The following ALS2CL variants were observed in gnomAD, a reference collection of about 807,000 sequenced individuals.
ALS2CL encodes the protein ALS2 C-terminal-like protein.
In ALS2CL, 112 loss-of-function variants were observed where a neutral mutation model predicts 127.9. That is an observed-to-expected ratio of 0.88 (90% CI 0.75 to 1.02). The LOEUF is 1.02. Among genes scored for constraint, ALS2CL ranks in the 50% least tolerant of loss-of-function variants. ALS2CL has a pLI of 0.00. For missense variants in ALS2CL, 1,174 were observed against 1,236.7 expected, an observed-to-expected ratio of 0.95 and a Z score of 0.76; for synonymous variants, 519 against 527.6, an observed-to-expected ratio of 0.98 and a Z score of 0.22.
rs1559471917 is a variant in ALS2CL at position 46,681,384 on chromosome 3, T to G, written c.1298A>C (p.Lys433Thr). Reference sequence around the variant, plus strand: ...CCGCAGGCCCTCCTGGAAGTAGCCCTTGTACACCTCGTCGGTGCTGTACCT... The same window carrying G: ...CCGCAGGCCCTCCTGGAAGTAGCCCGTGTACACCTCGTCGGTGCTGTACCT... ...ICEYSTDEVY[K>T]GYFQEGLRHG... The change falls in exon 13 of 26, where the codon AAG becomes ACG. Residue 433 changes from lysine to threonine, a missense_variant. Lys to Thr is a moderately conservative substitution (Grantham distance 78, BLOSUM62 -1). Transcript: ENST00000318962. This position sits in a 1 kb window ranked among gnomAD's most constrained non-coding sequence, Gnocchi z 4.9. The G allele has an allele frequency of 6.2e-7, 1 of 1,607,222 alleles. No homozygotes were observed. The highest frequency in any genetic ancestry group is 1.1e-5 in the South Asian group (1 of 90,802).
intron 14 of ALS2CL, 47 bp downstream of exon 14, chr3:46,680,383 G>C: frequency 6.4e-7 from 1 of 1,550,494 alleles, no homozygotes; most frequent in African/African-American, 1.4e-5. Context: ...GCCCCCAGCG[G>C]GAGTGGGGTG....
At chr3:46,685,721 A>G (rs1490273598) in intron 6 of ALS2CL, 77 bp from the exon 7 acceptor site, 16 of 1,537,524 alleles carry the variant, frequency 1.0e-5, no homozygotes, top group South Asian at 4.9e-5. Context: ...CCACCTCCCA[A>G]TGTACCCCAG....
At position 46,681,648 on chromosome 3, in the gene ALS2CL, A is replaced by G. The variant is rs773931209; in HGVS notation, c.1176-50T>C. On this transcript the variant is annotated intron_variant, in intron 11 of 25. Coordinates refer to ENST00000318962, the MANE Select transcript of ALS2CL (RefSeq NM_147129.5). This position sits in a 1 kb window ranked among gnomAD's most constrained non-coding sequence, Gnocchi z 4.9. ...GGATCAGCCCTGACCTGAGACGCCC[A>G]TTACACCTACTCCATGCCACCCAGG... 3.8e-6 allele frequency: 6 copies of G among 1,580,736 alleles called. No individual in the cohort carries two copies. The Admixed American group carries it at 1.0e-4, about 26-fold the overall frequency.
chr3:46,689,539 G>A (rs1391124218), intron 1 of ALS2CL, 74 bp from the exon 2 acceptor site: 32 of 1,028,274 alleles, frequency 3.1e-5, no homozygotes, highest in Non-Finnish European at 4.5e-5. Context: ...CAGGCAGGGT[G>A]CCCAGAAGCA....
intron 7 of ALS2CL, 144 bp from the exon 8 acceptor site, chr3:46,684,191 T>C: frequency 1.0e-6 from 1 of 956,884 alleles, no homozygotes; most frequent in Non-Finnish European, 1.6e-6. Context: ...CCCTCTCCCC[T>C]CTGGCTTGCT....
At chr3:46,688,060 C>A in intron 3 of ALS2CL, 38 bp downstream of exon 3, 2 of 1,602,548 alleles carry the variant, frequency 1.2e-6, no homozygotes, top group Non-Finnish European at 1.7e-6. Context: ...CACTCTGACA[C>A]CAGGGATGAG....
chr3:46,678,531 C>T, intron 15 of ALS2CL, 142 bp from the exon 16 acceptor site: 1 of 1,172,292 alleles, frequency 8.5e-7, no homozygotes, highest in African/African-American at 1.5e-5. Flanking sequence ...TCAAGCTGCT[C>T]CATGCTGAGG....
chr3:46,674,501 G>A, intron 21 of ALS2CL, 65 bp downstream of exon 21: 2 of 1,559,184 alleles, frequency 1.3e-6, no homozygotes, highest in Non-Finnish European at 1.7e-6. Flanking sequence ...CCACCTTTTG[G>A]CTGAAGACAG....
At chr3:46,683,638 C>T in intron 9 of ALS2CL, 144 bp downstream of exon 9, 1 of 1,056,840 alleles carries the variant, frequency 9.5e-7, no homozygotes, top group South Asian at 1.3e-5. Context: ...ATTCTTGACC[C>T]CGATTTACTC....
At chr3:46,688,371 G>C in intron 2 of ALS2CL, 75 bp from the exon 3 acceptor site, 1 of 1,446,198 alleles carries the variant, frequency 6.9e-7, no homozygotes, top group Admixed American at 1.9e-5. Context: ...ACAGGCCCCA[G>C]GTGTTCACAT....
In ALS2CL at chr3:46,674,674, G is replaced by A. The variant is rs538322071; in HGVS notation, c.2321C>T (p.Thr774Met). The A allele has an allele frequency of 2.1e-4, 333 of 1,614,160 alleles. No individual in the cohort carries two copies. The South Asian group carries it at 3.0e-3, about 15-fold the overall frequency. The change falls in exon 21 of 26, where the codon ACG becomes ATG. Residue 774 changes from threonine (T) to methionine (M), a missense_variant. Thr to Met is a moderately conservative substitution (Grantham distance 81). Transcript: ENST00000318962. ...MLPSFYSELF[T>M]LYLLLHERED... Reference sequence around the variant, plus strand: ...CCGCTCATGAAGCAGCAGGTAGAGCGTGAAGAGCTCTGAGTAGAAGCTGGG... The same window carrying A: ...CCGCTCATGAAGCAGCAGGTAGAGCATGAAGAGCTCTGAGTAGAAGCTGGG...
chr3:46,677,111 G>A, intron 16 of ALS2CL, 89 bp from the exon 17 acceptor site: 2 of 1,504,298 alleles, frequency 1.3e-6, no homozygotes, highest in Non-Finnish European at 1.8e-6. Flanking sequence ...GAGGGGTGGG[G>A]GTATGAGCCT....
intron 1 of ALS2CL, among the ~76,000 whole-genome samples, chr3:46,692,761 T>C (rs750971875): frequency 5.9e-5 from 9 of 152,204 alleles, no homozygotes; most frequent in Non-Finnish European, 1.3e-4. Context: ...GCTGCCCCTG[T>C]GGCGCTCTAA....
intron 6 of ALS2CL, 55 bp from the exon 7 acceptor site, chr3:46,685,699 C>A (rs1699712276): frequency 6.4e-7 from 1 of 1,565,194 alleles, no homozygotes; most frequent in Non-Finnish European, 8.7e-7. Context: ...CTGCAAGCTG[C>A]CTGCCACTCT....
intron 10 of ALS2CL, among the ~76,000 whole-genome samples, chr3:46,682,324 A>G (rs1699418760): frequency 6.6e-6 from 1 of 152,146 alleles, no homozygotes. Flanking sequence ...ACCACATCCC[A>G]TAAGGAAAGC....
intron 4 of ALS2CL, 44 bp downstream of exon 4, chr3:46,687,575 C>T: frequency 6.2e-7 from 1 of 1,605,026 alleles, no homozygotes; most frequent in Non-Finnish European, 8.5e-7. Context: ...CTCACTCAGG[C>T]ACTCCCACCC....
intron 1 of ALS2CL, among the ~76,000 whole-genome samples, chr3:46,689,786 A>G (rs1044025977): frequency 6.6e-6 from 1 of 152,144 alleles, no homozygotes; most frequent in African/African-American, 2.4e-5. Context: ...TCCACCATGG[A>G]TCCCAAGTGC....
rs1313357213 is a variant in ALS2CL at position 46,669,905 on chromosome 3, G to A, written c.*1079C>T. 6.6e-6 allele frequency: 1 copy of A among 152,216 alleles called. No homozygotes were observed. The highest frequency in any genetic ancestry group is 1.5e-5 in the Non-Finnish European group (1 of 68,088). The allele number at this position is 152,216 out of a possible 1,614,324, so 9.4% of individuals were successfully genotyped here. ...GCTGAAGTCAGTACTTCGTTTGGGG[G>A]AGCCACACCCAGAGCCAGGAGCCTG... On this transcript the variant is annotated 3_prime_UTR_variant, in exon 26 of 26. Coordinates refer to ENST00000318962, the MANE Select transcript of ALS2CL (RefSeq NM_147129.5).
At position 46,683,135 on chromosome 3, in the gene ALS2CL, G is replaced by A. The variant is rs142517358; in HGVS notation, c.1104C>T (p.His368=). 48 of 1,562,166 alleles carry A rather than the reference G, an allele frequency of 3.1e-5. No individual in the cohort carries two copies. The Middle Eastern group carries it at 5.7e-4, about 19-fold the overall frequency. Residue 368 remains histidine, a synonymous_variant, in exon 10 of 26, where the codon CAC becomes CAT. Coordinates refer to ENST00000318962, the MANE Select transcript of ALS2CL (RefSeq NM_147129.5). ...CCAGAGCTCCAGCCACTCACTTGCC[G>A]TGGGGCCGGCCCCTGCACCACTCGC... is the stretch of plus-strand genomic sequence containing the variant. ...YEGEWCRGRP[H]GKGTLKWPDG... is the part of the protein sequence containing the mutation.
Sources: allele counts gnomAD v4.1 joint callset (sites outside exome capture counted in the v4.1 genomes callset), GRCh38; gene constraint gnomAD v4.1.1; non-coding constraint Gnocchi (gnomAD v3.1); transcripts MANE v1.5; gene names NCBI Gene and HGNC (gene_info 2026-07-23, HGNC 2026-07-21).